HCFC1: variants seen among roughly 807,000 people sequenced by gnomAD.
The protein encoded by HCFC1 is host cell factor 1.
Under a neutral mutation model 105.5 loss-of-function variants are expected in HCFC1, and 7 were observed. That is an observed-to-expected ratio of 0.07 (90% CI 0.04 to 0.12). The LOEUF (loss-of-function observed/expected upper bound fraction) is 0.12. Ranked by LOEUF, HCFC1 falls within the 10% of genes least tolerant of loss-of-function variation. The pLI is 1.00. For synonymous variants in HCFC1, 918 were observed against 828.1 expected (o/e 1.11, Z -1.86); for missense variants, 1,065 against 1,823.6 (o/e 0.58, Z 7.58).
rs2148581193 is a variant in HCFC1 at position 153,957,300 on chromosome X, G to C, written c.2353+14C>G. The stretch of plus-strand genomic sequence containing the variant: ...AGGACTTGCAGACACTCATATGTCG[G>C]GGGAGGCCCCTACCCGTGGCGCCCG... On this transcript the variant is annotated intron_variant, in intron 13 of 25. Transcript: ENST00000310441. 8.5e-7 allele frequency: 1 copy of C among 1,173,957 alleles called. No homozygotes were observed. Among genetic ancestry groups the C allele is most frequent in the South Asian group, 1.9e-5 (1 of 52,801 alleles).
Position 153,971,428 on chromosome X carries a change from C to T in HCFC1, c.-588G>A, listed in dbSNP as rs2065532994. 6.8e-6 allele frequency: 2 copies of T among 295,026 alleles called. No individual in the cohort carries two copies. Among genetic ancestry groups the T allele is most frequent in the Admixed American group, 6.1e-5 (1 of 16,488 alleles). The allele number at this position is 295,026 out of a possible 1,213,427, so 24.3% of individuals were successfully genotyped here. A position where few individuals can be genotyped will look rare whatever the true frequency, so the allele number is the denominator to read the frequency against. On this transcript the variant is annotated 5_prime_UTR_variant, in exon 1 of 26. Transcript: ENST00000310441. ...GCAGCCGCCGCTCCCGAAACAGCCTCGACACACCTAACGAATGGAGGCGGG... is the reference window on the plus strand; with the variant it reads ...GCAGCCGCCGCTCCCGAAACAGCCTTGACACACCTAACGAATGGAGGCGGG...
At position 153,960,421 on chromosome X, in the gene HCFC1, G is replaced by C; in HGVS notation, c.905-7C>G. The C allele has an allele frequency of 8.5e-7, 1 of 1,176,318 alleles. No homozygotes were observed. The highest frequency in any genetic ancestry group is 1.1e-6 in the Non-Finnish European group (1 of 872,941). ...GTCTCCCAGGCCATGGTATCTGGGG[G>C]AGGGCAGACAAGGGAGGTCAGCAAG... is the stretch of plus-strand genomic sequence containing the variant. On this transcript the variant is annotated splice_region_variant and splice_polypyrimidine_tract_variant and intron_variant, in intron 6 of 25. Transcript: ENST00000310441.
intron 1 of HCFC1, 100 bp downstream of exon 1, chrX:153,970,548 G>A (rs2065520921): frequency 1.5e-5 from 8 of 540,422 alleles, no homozygotes; most frequent in South Asian, 1.2e-4. Context: ...GAGGGAGGGA[G>A]GAGAGGGAGG....
rs2065535053 is a variant in HCFC1, at chrX:153,971,560, A to C, written c.-720T>G. ...TCCCCTTAGTCCGCCTCTGCTGCTCAGGCTGCGCCTGCCGCCGTGGGAGCC... is the reference window on the plus strand; with the variant it reads ...TCCCCTTAGTCCGCCTCTGCTGCTCCGGCTGCGCCTGCCGCCGTGGGAGCC... On this transcript the variant is annotated 5_prime_UTR_variant, in exon 1 of 26. The change abolishes the stop of an existing upstream ORF in the 5' untranslated region. Coordinates refer to ENST00000310441, the MANE Select transcript of HCFC1 (RefSeq NM_005334.3). 3 of 292,451 alleles carry C rather than the reference A, an allele frequency of 1.0e-5. No individual in the cohort carries two copies. Among genetic ancestry groups the C allele is most frequent in the Non-Finnish European group, 1.8e-5 (3 of 168,228 alleles). 24.1% of individuals were successfully genotyped at this position (292,451 alleles called of 1,213,427 possible). A position where few individuals can be genotyped will look rare whatever the true frequency, so the allele number is the denominator to read the frequency against.
chrX:153,951,207 G>A (rs1352458475), intron 22 of HCFC1, 143 bp downstream of exon 22: 3 of 720,806 alleles, frequency 4.2e-6, no homozygotes, highest in Non-Finnish European at 6.3e-6. Context: ...ACTGCTTCAG[G>A]GGGGATGGTC....
chrX:153,955,189 G>C lies in HCFC1; in HGVS notation c.3210C>G (p.Ser1070Arg). The change falls in exon 17 of 26, where the codon AGC becomes AGG. Residue 1070 changes from serine (S) to arginine (R), a missense_variant. By Grantham distance (110) the Ser-to-Arg change is moderately radical. Transcript: ENST00000310441. ...GCGGGTTCGAACAGACTCGGACCAC[G>C]CTACCATTCTGCTGGCCCACAGTCG... ...VTSTVGQQNG[S>R]VVRVCSNPPC... 1 of 1,211,075 alleles carries C rather than the reference G, an allele frequency of 8.3e-7. No homozygotes were observed. The highest frequency in any genetic ancestry group is 1.1e-6 in the Non-Finnish European group (1 of 895,073).
At position 153,965,364 on chromosome X, in the gene HCFC1, A is replaced by G. The variant is rs782510749; in HGVS notation, c.194-638T>C. Among the ~76,000 whole-genome samples, 625 of 110,503 alleles carry G rather than the reference A, an allele frequency of 5.7e-3. 2 individuals are homozygous for G. Among genetic ancestry groups the G allele is most frequent in the African/African-American group, 0.02 (597 of 30,323 alleles). ...GCAGAGCTGTGACAGAAGCTTCTCA[A>G]AAGCTCATGAGGGTGAGGCGACCAC... On this transcript the variant is annotated intron_variant, in intron 1 of 25. Transcript: ENST00000310441.
rs1201031333 is a variant in HCFC1 at position 153,971,243 on chromosome X, C to T, written c.-403G>A. 2 of 307,496 alleles carry T rather than the reference C, an allele frequency of 6.5e-6. No individual in the cohort carries two copies. The allele number at this position is 307,496 out of a possible 1,213,427, so 25.3% of individuals were successfully genotyped here. On this transcript the variant is annotated 5_prime_UTR_variant, in exon 1 of 26. Transcript: ENST00000310441. ...CCGCCGGAAATGGCGGAGCCCCGGC[C>T]CGGTTCCCACACCCCCAAGTCCCCA...
intron 22 of HCFC1, 79 bp downstream of exon 22, chrX:153,951,271 G>GCCA (rs2065308298): frequency 9.1e-7 from 1 of 1,094,529 alleles, no homozygotes; most frequent in Admixed American, 2.3e-5. Context: ...AAAGATGGAG[G>GCCA]AGTTTCCTGT....
At position 153,956,359 on chromosome X, in the gene HCFC1, C is replaced by T. The variant is rs782082419; in HGVS notation, c.2688G>A (p.Gly896=). The T allele has an allele frequency of 1.7e-6, 2 of 1,212,100 alleles. No homozygotes were observed. Among genetic ancestry groups the T allele is most frequent in the Non-Finnish European group, 2.2e-6 (2 of 895,545 alleles). Residue 896 remains glycine (G), a synonymous_variant, in exon 16 of 26, where the codon GGG becomes GGA. Transcript: ENST00000310441. ...VTGTVSTSLA[G]AGGHSTSASL... is the part of the protein sequence containing the mutation. The stretch of plus-strand genomic sequence containing the variant: ...AAGCACTAGTGCTGTGGCCCCCCGC[C>T]CCGGCAAGGCTGGTGGAGACGGTGC...
At chrX:153,965,176 C>A (rs1318123233) in intron 1 of HCFC1, among the ~76,000 whole-genome samples, 7 of 111,350 alleles carry the variant, frequency 6.3e-5, no homozygotes, top group African/African-American at 2.3e-4. Flanking sequence ...ACAGTGACCG[C>A]TGCAGGCTAC....
chrX:153,952,001 C>A lies in HCFC1; in HGVS notation c.5100G>T (p.Leu1700=). 1 of 1,197,953 alleles carries A rather than the reference C, an allele frequency of 8.3e-7. No individual in the cohort carries two copies. The highest frequency in any genetic ancestry group is 1.1e-6 in the Non-Finnish European group (1 of 889,184). ...ELAALVQQQQ[L]QEAQAQQQHH... ...GCTGCTGCTGGGCCTGGGCCTCCTG[C>A]AGCTGCTGCTGCTGCACCAGGGCAG... is the stretch of plus-strand genomic sequence containing the variant. Residue 1700 remains leucine (L), a synonymous_variant, in exon 20 of 26, where the codon CTG becomes CTT. Coordinates refer to ENST00000310441, the MANE Select transcript of HCFC1 (RefSeq NM_005334.3).
At chrX:153,967,410 C>G (rs1426612739) in intron 1 of HCFC1, among the ~76,000 whole-genome samples, 1 of 112,427 alleles carries the variant, frequency 8.9e-6, no homozygotes, top group Admixed American at 9.4e-5. Context: ...AAGCTCCATC[C>G]CTGGTTGCCA....
chrX:153,970,382 A>C, intron 1 of HCFC1, among the ~76,000 whole-genome samples: 1 of 93,845 alleles, frequency 1.1e-5, no homozygotes, highest in Non-Finnish European at 2.1e-5. Context: ...AGAGAAAAGC[A>C]CTGAAGCCCG....
intron 2 of HCFC1, 52 bp downstream of exon 2, chrX:153,964,526 G>A (rs73247639): frequency 4.2e-5 from 48 of 1,139,456 alleles, no homozygotes; most frequent in Non-Finnish European, 4.8e-5. Flanking sequence ...AGCCACTACC[G>A]TCAGGTCACA....
At chrX:153,963,591 C>T (rs2065448858) in intron 3 of HCFC1, among the ~76,000 whole-genome samples, 158 bp from the exon 4 acceptor site, 1 of 112,004 alleles carries the variant, frequency 8.9e-6, no homozygotes, top group African/African-American at 3.2e-5. Flanking sequence ...AAGGGGCTGC[C>T]AGAAGCTCCC....
intron 18 of HCFC1, chrX:153,953,207 T>C (rs1429334574): frequency 1.8e-5 from 8 of 443,142 alleles, no homozygotes; most frequent in Middle Eastern, 4.4e-4. Context: ...TCATTCTTGA[T>C]GGGCCAGCTC....
rs782356760 is a variant in HCFC1 at position 153,971,077 on chromosome X, C to T, written c.-237G>A. Reference sequence around the variant, plus strand: ...CGCCCGAAACTGTCGAGCGCCTAGGCTCAAGAAGCTGGAGGCCGCTGAGTC... The same window carrying T: ...CGCCCGAAACTGTCGAGCGCCTAGGTTCAAGAAGCTGGAGGCCGCTGAGTC... On this transcript the variant is annotated 5_prime_UTR_variant, in exon 1 of 26. Transcript: ENST00000310441. The T allele has an allele frequency of 1.9e-5, 7 of 363,860 alleles. No individual in the cohort carries two copies. In the Admixed American group the frequency reaches 4.1e-4, roughly 21 times the overall value. The allele number at this position is 363,860 out of a possible 1,213,427, so 30.0% of individuals were successfully genotyped here.
Position 153,970,847 on chromosome X carries a change from G to A in HCFC1, c.-7C>T, listed in dbSNP as rs1557119947. Reference sequence around the variant, plus strand: ...GCGACACGGCCGAAGCCATAGTTCCGGGAAAGGGTGCGGTGGGGAGAAGTC... The same window carrying A: ...GCGACACGGCCGAAGCCATAGTTCCAGGAAAGGGTGCGGTGGGGAGAAGTC... On this transcript the variant is annotated 5_prime_UTR_variant, in exon 1 of 26. Coordinates refer to ENST00000310441, the MANE Select transcript of HCFC1 (RefSeq NM_005334.3). 1 of 1,145,707 alleles carries A rather than the reference G, an allele frequency of 8.7e-7. No homozygotes were observed. Among genetic ancestry groups the A allele is most frequent in the East Asian group, 3.3e-5 (1 of 30,501 alleles). The allele number at this position is 1,145,707 out of a possible 1,213,427, so 94.4% of individuals were successfully genotyped here.
Sources: allele counts gnomAD v4.1 joint callset (sites outside exome capture counted in the v4.1 genomes callset), GRCh38; gene constraint gnomAD v4.1.1; transcripts MANE v1.5; gene names NCBI Gene and HGNC (gene_info 2026-07-23, HGNC 2026-07-21).